Variants in CEP128 observed in about 807,000 individuals in gnomAD.
CEP128 encodes the protein centrosomal protein 128kDa.
A neutral mutation model predicts 156.7 loss-of-function variants in CEP128; 132 were observed. That is an observed-to-expected ratio of 0.84 (90% CI 0.73 to 0.97). CEP128 has a LOEUF of 0.97. CEP128 is among the 50% of genes least tolerant of loss of function. The pLI, the probability that CEP128 is intolerant of heterozygous loss-of-function variation, is 0.00. For missense variants in CEP128, 1,252 were observed against 1,281.9 expected (o/e 0.98, Z 0.36); for synonymous variants, 469 against 448.9 (o/e 1.04, Z -0.57).
intron 4 of CEP128, 64 bp from the exon 5 acceptor site, chr14:80,906,145 A>C (rs1883874362): frequency 2.4e-6 from 3 of 1,231,352 alleles, no homozygotes; most frequent in Admixed American, 6.8e-5. Flanking sequence ...ATACAAATAG[A>C]CCACAGATTT....
At chr14:80,625,837 CT>C (rs1334203492) in intron 19 of CEP128, among the ~76,000 whole-genome samples, 1 of 140,394 alleles carries the variant, frequency 7.1e-6, no homozygotes, top group Non-Finnish European at 1.6e-5. Flanking sequence ...TCCCTTCTTT[CT>C]TTTTTCTCTT....
chr14:80,880,064 C>T (rs1888459580), intron 8 of CEP128, among the ~76,000 whole-genome samples: 1 of 152,148 alleles, frequency 6.6e-6, no homozygotes, highest in Non-Finnish European at 1.5e-5. Flanking sequence ...CTGATGAACA[C>T]TGATGGAAAT....
At chr14:80,857,087 A>G (rs1339312776) in intron 9 of CEP128, among the ~76,000 whole-genome samples, 2 of 152,052 alleles carry the variant, frequency 1.3e-5, no homozygotes, top group African/African-American at 2.4e-5. Flanking sequence ...AGATGAAGAA[A>G]TAATATTCAA....
chr14:80,729,059 GTGTGTGTGTGT>G (rs1898146502), intron 19 of CEP128, among the ~76,000 whole-genome samples: 2 of 16,450 alleles, frequency 1.2e-4, no homozygotes, highest in African/African-American at 3.9e-4. Flanking sequence ...GCTGGTGGGG[GTGTGTGTGTGT>G]GTGTGTGTGT....
At chr14:80,590,247 T>C (rs992713265) in intron 19 of CEP128, among the ~76,000 whole-genome samples, 1 of 152,138 alleles carries the variant, frequency 6.6e-6, no homozygotes, top group Non-Finnish European at 1.5e-5. Flanking sequence ...AACTCTTGGA[T>C]TGAAGAACCT....
intron 13 of CEP128, among the ~76,000 whole-genome samples, chr14:80,810,323 C>CAAAAAAAAAAAAAAAAAA (rs71103883): frequency 5.9e-4 from 9 of 15,204 alleles, no homozygotes; most frequent in Admixed American, 1.0e-3. Flanking sequence ...ACTCCATCTC[C>CAAAAAAAAAAAAAAAAAA]AAAAAAAAAA....
chr14:80,477,502 C>A (rs1011605549), exon 15 of CEP128: 5 of 152,108 alleles, frequency 3.3e-5, no homozygotes, highest in African/African-American at 7.2e-5. Context: ...ATGTAAAGCA[C>A]CTCCCCGTGT....
chr14:80,691,144 TCCACAGA>T (rs1210478109), intron 19 of CEP128, among the ~76,000 whole-genome samples: 1 of 152,198 alleles, frequency 6.6e-6, no homozygotes, highest in Non-Finnish European at 1.5e-5. Context: ...TATGCTAAAA[TCCACAGA>T]CCAATAAATA....
At chr14:80,784,144 CA>C (rs111474887) in intron 15 of CEP128, among the ~76,000 whole-genome samples, 3 of 151,956 alleles carry the variant, frequency 2.0e-5, no homozygotes, top group African/African-American at 7.2e-5. Flanking sequence ...TACAATGTTC[CA>C]AAAAACTGTT....
At chr14:80,916,055 T>C (rs1002057118) in intron 3 of CEP128, among the ~76,000 whole-genome samples, 11 of 152,126 alleles carry the variant, frequency 7.2e-5, no homozygotes, top group Admixed American at 7.2e-4. Flanking sequence ...AGTAAAGTCA[T>C]AGGATGTGAG....
chr14:80,756,993 T>C lies in CEP128; in HGVS notation c.2554-42A>G, dbSNP rs780715208. The C allele has an allele frequency of 3.6e-5, 45 of 1,265,916 alleles. 1 individual carries two copies. Among genetic ancestry groups the C allele is most frequent in the South Asian group, 2.4e-4 (19 of 78,410 alleles). The allele number at this position is 1,265,916 out of a possible 1,614,324, so 78.4% of individuals were successfully genotyped here. ...AGTCGATTAGAAATACATTTTTCTC[T>C]GACATAAACATATATAAATGAAATT... On this transcript the variant is annotated intron_variant, in intron 17 of 24. Transcript: ENST00000555265.
intron 21 of CEP128, among the ~76,000 whole-genome samples, chr14:80,543,525 G>A (rs1468366572): frequency 1.3e-5 from 2 of 152,224 alleles, no homozygotes; most frequent in African/African-American, 4.8e-5. Context: ...GAGTACATGT[G>A]AGCACAAGTA....
intron 8 of CEP128, among the ~76,000 whole-genome samples, chr14:80,879,382 T>G (rs778299305): frequency 1.8e-4 from 27 of 151,860 alleles, no homozygotes; most frequent in Non-Finnish European, 2.2e-4. Flanking sequence ...CCAAAGGAAT[T>G]TCAAAATAAT....
intron 13 of CEP128, chr14:80,830,026 C>A (rs1426975334): frequency 2.8e-6 from 1 of 353,990 alleles, no homozygotes; most frequent in Non-Finnish European, 5.1e-6. Flanking sequence ...CCTTTTAGAT[C>A]TATCCAACAT....
chr14:80,774,996 G>C (rs8019256), intron 16 of CEP128, among the ~76,000 whole-genome samples: 9,883 of 152,204 alleles, frequency 0.065, 1,072 homozygotes, highest in African/African-American at 0.23. Context: ...TAGGCTGACC[G>C]TAGGCAGTCA....
chr14:80,768,133 A>G (rs545807145), intron 16 of CEP128, among the ~76,000 whole-genome samples: 1 of 152,184 alleles, frequency 6.6e-6, no homozygotes, highest in African/African-American at 2.4e-5. Flanking sequence ...AATTATAAAC[A>G]AGAAAAAAAT....
In CEP128 at chr14:80,607,249, A is replaced by G. The variant is rs1228432195; in HGVS notation, c.2807-26826T>C. Reference sequence around the variant, plus strand: ...TTTTCAAAATAAGTATGTACTCTAAATAGGTATAAATTGATAAAGACTGAA... The same window carrying G: ...TTTTCAAAATAAGTATGTACTCTAAGTAGGTATAAATTGATAAAGACTGAA... On this transcript the variant is annotated intron_variant, in intron 19 of 24. Coordinates refer to ENST00000555265, the MANE Select transcript of CEP128 (RefSeq NM_152446.5). 2.6e-5 allele frequency among the ~76,000 whole-genome samples: 4 copies of G among 152,104 alleles called. No homozygotes were observed. In the South Asian group the frequency reaches 8.3e-4, roughly 31 times the overall value.
chr14:80,517,882 T>C (rs1196727587), intron 23 of CEP128, among the ~76,000 whole-genome samples: 1 of 152,164 alleles, frequency 6.6e-6, no homozygotes, highest in African/African-American at 2.4e-5. Context: ...TTATCCTGAC[T>C]GGGAGTGGCA....
At chr14:80,658,199 A>G (rs773151422) in intron 19 of CEP128, among the ~76,000 whole-genome samples, 3 of 152,238 alleles carry the variant, frequency 2.0e-5, no homozygotes, top group African/African-American at 7.2e-5. Flanking sequence ...CTGATCTGAC[A>G]TCGCTTATGG....
Sources: gnomAD v4.1 joint callset for allele counts (sites outside exome capture counted in the v4.1 genomes callset) on GRCh38, gnomAD v4.1.1 for gene constraint, MANE v1.5 for transcripts, NCBI Gene and HGNC (gene_info 2026-07-23, HGNC 2026-07-21) for gene names.